ATG7: variants seen among roughly 807,000 people sequenced by gnomAD.
The protein encoded by ATG7 is ubiquitin-like modifier-activating enzyme ATG7.
A neutral mutation model predicts 82.4 loss-of-function variants in ATG7; 70 were observed. The observed-to-expected ratio is 0.85, with a 90% confidence interval of 0.70 to 1.04. ATG7 has a LOEUF of 1.04. Ranked by LOEUF, ATG7 falls within the 50% of genes least tolerant of loss-of-function variation. The pLI is 0.00. For synonymous variants in ATG7, 287 were observed against 313.0 expected, an observed-to-expected ratio of 0.92 and a Z score of 0.88; for missense variants, 792 against 864.3, an observed-to-expected ratio of 0.92 and a Z score of 1.05.
At chr3:11,474,544 G>A (rs1159011782) in intron 20 of ATG7, among the ~76,000 whole-genome samples, 1 of 152,180 alleles carries the variant, frequency 6.6e-6, no homozygotes, top group East Asian at 1.9e-4. Context: ...AGGTTGCAGT[G>A]AGCCAAGATC....
intron 20 of ATG7, among the ~76,000 whole-genome samples, chr3:11,449,745 T>A (rs893252316): frequency 2.0e-5 from 3 of 152,190 alleles, no homozygotes; most frequent in Admixed American, 1.3e-4. Context: ...GCCACACCTT[T>A]CCCCCTTTGT....
chr3:11,558,973 G>A, downstream of ATG7: 2 of 982,268 alleles, frequency 2.0e-6, no homozygotes, highest in Non-Finnish European at 3.0e-6. Flanking sequence ...ACCTCCCCCG[G>A]CTAAGTCAGG....
intron 19 of ATG7, among the ~76,000 whole-genome samples, chr3:11,420,557 G>A (rs2081845454): frequency 6.6e-6 from 1 of 152,082 alleles, no homozygotes. Context: ...CCTGGCAGAA[G>A]ATGGCTATTT....
chr3:11,368,003 G>GCC (rs1170247412), intron 18 of ATG7, among the ~76,000 whole-genome samples: 1 of 151,874 alleles, frequency 6.6e-6, no homozygotes, highest in Non-Finnish European at 1.5e-5. Flanking sequence ...CACCTTCAAT[G>GCC]CCCCCCTCAT....
At chr3:11,497,210 G>A (rs2090900128) in intron 20 of ATG7, among the ~76,000 whole-genome samples, 2 of 149,946 alleles carry the variant, frequency 1.3e-5, no homozygotes, top group African/African-American at 4.9e-5. Flanking sequence ...AATTATTTCA[G>A]TTTCAAAATA....
chr3:11,558,130 A>ACCAAACAC (rs558544680), downstream of ATG7: 9 of 226,144 alleles, frequency 4.0e-5, no homozygotes, highest in East Asian at 4.9e-4. Context: ...CATGGACCGA[A>ACCAAACAC]CCAAACACGC....
chr3:11,289,568 A>C (rs1944616818), intron 3 of ATG7, among the ~76,000 whole-genome samples: 1 of 152,216 alleles, frequency 6.6e-6, no homozygotes, highest in African/African-American at 2.4e-5. Flanking sequence ...AGGCCAAATA[A>C]GTCAGAAAAT....
chr3:11,575,724 A>T, the ATG7 span, among the ~76,000 whole-genome samples: 1 of 152,208 alleles, frequency 6.6e-6, no homozygotes, highest in Non-Finnish European at 1.5e-5. Flanking sequence ...CATTCTCCCT[A>T]TGGTGGCCCA....
chr3:11,457,821 G>A (rs541408883), intron 20 of ATG7, among the ~76,000 whole-genome samples: 3 of 152,258 alleles, frequency 2.0e-5, no homozygotes, highest in East Asian at 1.9e-4. Flanking sequence ...CAGTGGTAGC[G>A]CTTGTGTTGA....
At chr3:11,285,636 A>T (rs1230267114) in intron 3 of ATG7, among the ~76,000 whole-genome samples, 1 of 152,114 alleles carries the variant, frequency 6.6e-6, no homozygotes, top group African/African-American at 2.4e-5. Flanking sequence ...TTCTCAAGTC[A>T]GTAGCTCCAC....
At chr3:11,520,531 A>G (rs1374293700) in intron 20 of ATG7, among the ~76,000 whole-genome samples, 2 of 152,166 alleles carry the variant, frequency 1.3e-5, no homozygotes, top group African/African-American at 2.4e-5. Flanking sequence ...GGCTGGGGAC[A>G]TGGGGATGAG....
intron 4 of ATG7, 198 bp from the exon 5 acceptor site, chr3:11,299,164 G>A (rs1192501371): frequency 3.3e-5 from 20 of 606,250 alleles, no homozygotes; most frequent in East Asian, 1.4e-4. Context: ...CTTGGCGAAT[G>A]TCTCATATTC....
chr3:11,524,398 G>A (rs751759415), intron 20 of ATG7, among the ~76,000 whole-genome samples: 20 of 152,138 alleles, frequency 1.3e-4, no homozygotes, highest in Admixed American at 5.2e-4. Context: ...CATACACAAC[G>A]GTGATAGCTG....
At chr3:11,364,116 G>T (rs2076447377) in intron 17 of ATG7, among the ~76,000 whole-genome samples, 1 of 152,228 alleles carries the variant, frequency 6.6e-6, no homozygotes. Context: ...GGTGCCACAA[G>T]TATCACTCCA....
At chr3:11,408,944 T>A (rs1296999376) in intron 19 of ATG7, among the ~76,000 whole-genome samples, 1 of 152,214 alleles carries the variant, frequency 6.6e-6, no homozygotes, top group African/African-American at 2.4e-5. Flanking sequence ...CTTGTATATC[T>A]TCTTTGGTGA....
At chr3:11,426,763 A>T in intron 19 of ATG7, 41 bp from the exon 20 acceptor site, 7 of 1,509,406 alleles carry the variant, frequency 4.6e-6, no homozygotes, top group Non-Finnish European at 6.2e-6. Context: ...TTGCATTTTA[A>T]GTCTGGAGAC....
chr3:11,571,977 C>A, the ATG7 span, among the ~76,000 whole-genome samples: 2 of 152,168 alleles, frequency 1.3e-5, no homozygotes, highest in Non-Finnish European at 2.9e-5. Flanking sequence ...CGTGGTGTCA[C>A]GTACCTGCAG....
chr3:11,284,115 CCTCT>C (rs1943535369), intron 3 of ATG7, among the ~76,000 whole-genome samples: 5 of 151,960 alleles, frequency 3.3e-5, no homozygotes, highest in South Asian at 4.1e-4. Flanking sequence ...TTTTTCTCTC[CCTCT>C]GTTTTTTATT....
the ATG7 span, among the ~76,000 whole-genome samples, chr3:11,572,399 G>T: frequency 6.6e-6 from 1 of 152,132 alleles, no homozygotes; most frequent in African/African-American, 2.4e-5. Context: ...ACAAAGACTC[G>T]TGTACCTACC....
Sources: gnomAD v4.1 joint callset for allele counts (sites outside exome capture counted in the v4.1 genomes callset) on GRCh38, gnomAD v4.1.1 for gene constraint, MANE v1.5 for transcripts, NCBI Gene and HGNC (gene_info 2026-07-23, HGNC 2026-07-21) for gene names.